Variants in ZBTB25 observed in about 807,000 individuals in gnomAD.
ZBTB25 encodes the protein zinc finger and BTB domain containing 25.
ZBTB25 carries 20 observed loss-of-function variants against 34.2 expected under a neutral mutation model. The ratio of observed to expected loss-of-function variants is 0.58; its 90% CI spans 0.41 to 0.85. The LOEUF (loss-of-function observed/expected upper bound fraction) is 0.85, where lower values mean the gene tolerates loss of function less well. Among genes scored for constraint, ZBTB25 ranks in the 40% least tolerant of loss-of-function variants. ZBTB25 has a pLI of 0.00. For synonymous variants in ZBTB25, 175 were observed against 186.4 expected, an observed-to-expected ratio of 0.94 and a Z score of 0.50; for missense variants, 437 against 521.8, an observed-to-expected ratio of 0.84 and a Z score of 1.58.
intron 2 of ZBTB25, among the ~76,000 whole-genome samples, chr14:64,466,235 A>T (rs1490514767): frequency 6.6e-6 from 1 of 152,268 alleles, no homozygotes; most frequent in African/African-American, 2.4e-5. Flanking sequence ...TTGCTGGTTA[A>T]GAGCGAATCA....
intron 2 of ZBTB25, among the ~76,000 whole-genome samples, chr14:64,466,729 G>A (rs1164380480): frequency 6.6e-6 from 1 of 152,100 alleles, no homozygotes; most frequent in East Asian, 1.9e-4. Flanking sequence ...ATAAAATTAT[G>A]GGTTACCCAA....
At chr14:64,454,247 C>G (rs60714679) in intron 2 of ZBTB25, among the ~76,000 whole-genome samples, 294 of 152,148 alleles carry the variant, frequency 1.9e-3, no homozygotes, top group African/African-American at 6.7e-3. Context: ...TGAGTAGCTG[C>G]GCCTACAGGC....
rs2078812986 is a variant in ZBTB25, at chr14:64,483,106, G to A, written c.*3817C>T. The A allele has an allele frequency of 6.6e-6, 1 of 152,168 alleles. No individual in the cohort carries two copies. The highest frequency in any genetic ancestry group is 1.5e-5 in the Non-Finnish European group (1 of 68,024). The allele number at this position is 152,168 out of a possible 1,614,324, so 9.4% of individuals were successfully genotyped here. A position where few individuals can be genotyped will look rare whatever the true frequency, so the allele number is the denominator to read the frequency against. ...TCAAAAGAAGGAAAAATTTTAAGCTGACTCAAGGGGAAAATGTTTAGTATC... is the reference window on the plus strand; with the variant it reads ...TCAAAAGAAGGAAAAATTTTAAGCTAACTCAAGGGGAAAATGTTTAGTATC... On this transcript the variant is annotated 3_prime_UTR_variant, in exon 3 of 3. Coordinates refer to ENST00000608382, the MANE Select transcript of ZBTB25 (RefSeq NM_006977.5).
rs1322207124 is a variant in ZBTB25 at position 64,488,789 on chromosome 14, T to G, written c.174-732A>C. Reference sequence around the variant, plus strand: ...GTTATTGCTTAATGGGTACAAAGTTTCTGTTTGGGGTGATAAAAAAGTTTT... The same window carrying G: ...GTTATTGCTTAATGGGTACAAAGTTGCTGTTTGGGGTGATAAAAAAGTTTT... On this transcript the variant is annotated intron_variant, in intron 2 of 2. Coordinates refer to ENST00000608382, the MANE Select transcript of ZBTB25 (RefSeq NM_006977.5). Among the ~76,000 whole-genome samples the G allele has an allele frequency of 3.3e-5, 5 of 152,184 alleles. No homozygotes were observed. The East Asian group carries it at 5.8e-4, about 18-fold the overall frequency.
chr14:64,490,208 CAAAAAAAAAA>C (rs61367816), intron 2 of ZBTB25, among the ~76,000 whole-genome samples, 143 bp downstream of exon 2: 3 of 90,954 alleles, frequency 3.3e-5, no homozygotes, highest in African/African-American at 1.9e-4. Context: ...ACTCTGTCGC[CAAAAAAAAAA>C]AAAAAAAAAA....
At chr14:64,495,719 G>A (rs945079993) in intron 1 of ZBTB25, among the ~76,000 whole-genome samples, 55 of 152,356 alleles carry the variant, frequency 3.6e-4, no homozygotes, top group African/African-American at 1.3e-3. Flanking sequence ...AACTTTGGGA[G>A]GCAGAGGCGG....
chr14:64,502,444 G>A (rs992260787), intron 1 of ZBTB25: 3 of 160,924 alleles, frequency 1.9e-5, no homozygotes, highest in Non-Finnish European at 3.9e-5. Flanking sequence ...TGTTAAAGAA[G>A]ACTTTGATGC....
chr14:64,468,327 T>C, intron 2 of ZBTB25: 1 of 1,431,942 alleles, frequency 7.0e-7, no homozygotes, highest in Non-Finnish European at 9.3e-7. Context: ...TTGCTCATCT[T>C]TTTGTCACAA....
intron 2 of ZBTB25, among the ~76,000 whole-genome samples, chr14:64,489,161 T>C (rs1464569446): frequency 2.0e-5 from 3 of 152,066 alleles, no homozygotes; most frequent in African/African-American, 4.8e-5. Flanking sequence ...AGCAAGAGAA[T>C]TGCTTGAACC....
At chr14:64,492,528 T>C (rs1014476068) in intron 1 of ZBTB25, among the ~76,000 whole-genome samples, 2 of 151,860 alleles carry the variant, frequency 1.3e-5, no homozygotes, top group African/African-American at 4.8e-5. Context: ...AATTTCAGCA[T>C]GTGAAAAACG....
Position 64,498,753 on chromosome 14 carries a change from C to T in ZBTB25, c.-8+4908G>A, listed in dbSNP as rs569040575. ...GGTTCGCGCCATTCTCCTGCCTCAG[C>T]CTCCCGAGTAGCTGGGACTACAGGC... On this transcript the variant is annotated intron_variant, in intron 1 of 2. Coordinates refer to ENST00000608382, the MANE Select transcript of ZBTB25 (RefSeq NM_006977.5). 2.6e-5 allele frequency among the ~76,000 whole-genome samples: 4 copies of T among 152,306 alleles called. No individual in the cohort carries two copies. The East Asian group carries it at 7.7e-4, about 29-fold the overall frequency.
chr14:64,484,846 G>C lies in ZBTB25; in HGVS notation c.*2077C>G. ...ACAAAAAATCAATGTTAATACTTGT[G>C]TTCTTCCAATGAGATGATATTTTTG... On this transcript the variant is annotated 3_prime_UTR_variant, in exon 3 of 3. Coordinates refer to ENST00000608382, the MANE Select transcript of ZBTB25 (RefSeq NM_006977.5). 4.7e-6 allele frequency: 1 copy of C among 210,824 alleles called. No homozygotes were observed. The highest frequency in any genetic ancestry group is 8.2e-6 in the Non-Finnish European group (1 of 121,764). 13.1% of individuals were successfully genotyped at this position (210,824 alleles called of 1,614,324 possible).
In ZBTB25 at chr14:64,503,686, G is replaced by T. The variant is rs1052504192; in HGVS notation, c.-33C>A. On this transcript the variant is annotated 5_prime_UTR_variant, in exon 1 of 3. Transcript: ENST00000608382. Reference sequence around the variant, plus strand: ...CCAGATGCCGCCGCGGCGGCAGGCCGACTCCTCCGTGCAGGAGGGGCGGGC... The same window carrying T: ...CCAGATGCCGCCGCGGCGGCAGGCCTACTCCTCCGTGCAGGAGGGGCGGGC... 4 of 872,964 alleles carry T rather than the reference G, an allele frequency of 4.6e-6. No homozygotes were observed. Among genetic ancestry groups the T allele is most frequent in the Middle Eastern group, 5.8e-4 (1 of 1,718 alleles). 54.1% of individuals were successfully genotyped at this position (872,964 alleles called of 1,614,324 possible).
downstream of ZBTB25, among the ~76,000 whole-genome samples, chr14:64,477,116 C>A (rs2078727391): frequency 6.6e-6 from 1 of 152,174 alleles, no homozygotes. Context: ...CCTGACTAAT[C>A]AGTGAAAACT....
At chr14:64,500,952 G>A (rs947020134) in intron 1 of ZBTB25, among the ~76,000 whole-genome samples, 2 of 152,226 alleles carry the variant, frequency 1.3e-5, no homozygotes, top group African/African-American at 4.8e-5. Context: ...TCGGGAGGCT[G>A]AAGCCAGAGA....
downstream of ZBTB25, among the ~76,000 whole-genome samples, chr14:64,474,955 C>CATA (rs2078706129): frequency 1.3e-5 from 2 of 152,180 alleles, no homozygotes; most frequent in African/African-American, 2.4e-5. Context: ...AACACTCTAT[C>CATA]TTTTCGTAAC....
intron 1 of ZBTB25, among the ~76,000 whole-genome samples, chr14:64,501,052 A>G (rs1193946046): frequency 6.6e-6 from 1 of 152,208 alleles, no homozygotes; most frequent in Non-Finnish European, 1.5e-5. Context: ...CTCTGTCTCA[A>G]AAAACAAACA....
intron 2 of ZBTB25, among the ~76,000 whole-genome samples, chr14:64,458,871 T>C (rs1444402178): frequency 6.6e-6 from 1 of 152,210 alleles, no homozygotes; most frequent in Non-Finnish European, 1.5e-5. Flanking sequence ...GTGTCTCTCC[T>C]TAGGCAGACC....
At position 64,458,280 on chromosome 14, in the gene ZBTB25, G is replaced by C; in HGVS notation, c.174-8642C>G. On this transcript the variant is annotated intron_variant, in intron 2 of 2. Coordinates refer to the ZBTB25 transcript ENST00000555220. Reference sequence around the variant, plus strand: ...TGATATTGATTTGGACCCTGAAACAGAACAGGTGAATGGATTATTCTAAAC... The same window carrying C: ...TGATATTGATTTGGACCCTGAAACACAACAGGTGAATGGATTATTCTAAAC... 12 of 1,613,526 alleles carry C rather than the reference G, an allele frequency of 7.4e-6. No individual in the cohort carries two copies. Among genetic ancestry groups the C allele is most frequent in the Non-Finnish European group, 9.3e-6 (11 of 1,179,486 alleles).
Sources: allele counts gnomAD v4.1 joint callset (sites outside exome capture counted in the v4.1 genomes callset), GRCh38; gene constraint gnomAD v4.1.1; transcripts MANE v1.5; gene names NCBI Gene and HGNC (gene_info 2026-07-23, HGNC 2026-07-21).